Variants in ACKR3 observed in about 807,000 individuals in gnomAD.
ACKR3 encodes the protein C-X-C chemokine receptor type 7.
A neutral mutation model predicts 22.4 loss-of-function variants in ACKR3; 6 were observed. The observed-to-expected ratio is 0.27, with a 90% CI of 0.15 to 0.53. The LOEUF is 0.53. Among genes scored for constraint, ACKR3 ranks in the 20% least tolerant of loss-of-function variants. The probability of loss-of-function intolerance (pLI) is 0.96; values close to 1 mark genes in which losing one functional copy is unlikely to be tolerated. For synonymous variants in ACKR3, 209 were observed against 205.2 expected, an observed-to-expected ratio of 1.02 and a Z score of -0.16; for missense variants, 396 against 475.2, an observed-to-expected ratio of 0.83 and a Z score of 1.55.
At chr2:236,543,940 GGTAT>G in the ACKR3 span, among the ~76,000 whole-genome samples, 6 of 80,956 alleles carry the variant, frequency 7.4e-5, no homozygotes, top group Admixed American at 5.2e-4. Context: ...CTGGGAGAAG[GGTAT>G]ATATATATAT....
upstream of ACKR3, among the ~76,000 whole-genome samples, chr2:236,565,209 CTAGAA>C (rs753454180): frequency 1.9e-4 from 29 of 151,926 alleles, no homozygotes; most frequent in Non-Finnish European, 4.1e-4. Context: ...AAGCACCCAG[CTAGAA>C]TAGAAGGCTC....
chr2:236,580,204 C>T (rs938020476), intron 1 of ACKR3, among the ~76,000 whole-genome samples: 2 of 152,232 alleles, frequency 1.3e-5, no homozygotes, highest in African/African-American at 4.8e-5. Flanking sequence ...AGAAAGCAAA[C>T]ACAGTTTCTG....
chr2:236,554,333 G>T, the ACKR3 span, among the ~76,000 whole-genome samples: 2 of 152,200 alleles, frequency 1.3e-5, no homozygotes, highest in African/African-American at 4.8e-5. Flanking sequence ...AAGAAAGGCA[G>T]ATGTATCAGA....
rs938774455 is a variant in ACKR3, at chr2:236,577,497, G to A, written c.-26-2943G>A. On this transcript the variant is annotated intron_variant, in intron 1 of 1. Transcript: ENST00000272928. This position sits in a 1 kb window ranked among gnomAD's most constrained non-coding sequence, Gnocchi z 5.6. ...GAAGGCTGCTGGTAGCTCAAAGCGG[G>A]TGAGTGTCTATTTTGTGCTAAGAGT... Among the ~76,000 whole-genome samples the A allele has an allele frequency of 1.3e-5, 2 of 152,132 alleles. No homozygotes were observed. The highest frequency in any genetic ancestry group is 2.4e-5 in the African/African-American group (1 of 41,430).
chr2:236,550,474 C>A, the ACKR3 span, among the ~76,000 whole-genome samples: 1 of 152,204 alleles, frequency 6.6e-6, no homozygotes, highest in Non-Finnish European at 1.5e-5. The surrounding 1 kb of genome is among the most constrained non-coding windows in gnomAD (Gnocchi z 4.6). Context: ...TTGATGGCAG[C>A]ACCTTCTGAG....
upstream of ACKR3, among the ~76,000 whole-genome samples, chr2:236,568,514 C>T (rs1043112959): frequency 6.6e-6 from 1 of 152,200 alleles, no homozygotes; most frequent in African/African-American, 2.4e-5. Context: ...GTGATTGCGC[C>T]GCCCTGCAGA....
At chr2:236,542,283 C>CTAAAAATTAA in the ACKR3 span, among the ~76,000 whole-genome samples, 3 of 152,190 alleles carry the variant, frequency 2.0e-5, no homozygotes, top group South Asian at 4.1e-4. Flanking sequence ...TAGACATTGG[C>CTAAAAATTAA]AAGAGCTAAA....
the ACKR3 span, among the ~76,000 whole-genome samples, chr2:236,544,082 C>T: frequency 1.1e-4 from 17 of 149,158 alleles, no homozygotes; most frequent in East Asian, 6.0e-4. The surrounding 1 kb of genome is among the most constrained non-coding windows in gnomAD (Gnocchi z 5.0). Flanking sequence ...CTCTGCCTCC[C>T]GGATTCAAGT....
chr2:236,567,321 G>C (rs1251926599), upstream of ACKR3, among the ~76,000 whole-genome samples: 1 of 152,086 alleles, frequency 6.6e-6, no homozygotes, highest in Non-Finnish European at 1.5e-5. Flanking sequence ...CTGTATGAGG[G>C]CTCCCATGCC....
At position 236,580,768 on chromosome 2, in the gene ACKR3, G is replaced by C. The variant is rs1283430267; in HGVS notation, c.303G>C (p.Val101=). ...TTGTCCTCACCATCCCAGTCTGGGT[G>C]GTCAGTCTCGTGCAGCACAACCAGT... ...LWVVLTIPVW[V]VSLVQHNQWP... The change falls in exon 2 of 2, where the codon GTG becomes GTC. Residue 101 remains valine, a synonymous_variant. Transcript: ENST00000272928. 1.9e-6 allele frequency: 3 copies of C among 1,614,194 alleles called. No homozygotes were observed. The highest frequency in any genetic ancestry group is 2.5e-6 in the Non-Finnish European group (3 of 1,180,034).
rs1691505029 is a variant in ACKR3, at chr2:236,580,724, G to T, written c.259G>T (p.Ala87Ser). 1 of 1,614,134 alleles carries T rather than the reference G, an allele frequency of 6.2e-7. No individual in the cohort carries two copies. Among genetic ancestry groups the T allele is most frequent in the Non-Finnish European group, 8.5e-7 (1 of 1,180,030 alleles). ...CACGCACTGCTACATCTTGAACCTG[G>T]CCATTGCCGACCTGTGGGTTGTCCT... ...YDTHCYILNLAIADLWVVLTI... is the reference protein window; with the variant it reads ...YDTHCYILNLSIADLWVVLTI... Residue 87 changes from alanine to serine, a missense_variant, in exon 2 of 2, where the codon GCC (alanine) becomes TCC (serine). Physicochemically the swap from Ala to Ser is moderately conservative, Grantham distance 99 (BLOSUM62 1). Coordinates refer to ENST00000272928, the MANE Select transcript of ACKR3 (RefSeq NM_020311.3).
At chr2:236,569,681 A>AC (rs1553634739), upstream of ACKR3, 2 of 135,164 alleles carry the variant, frequency 1.5e-5, no homozygotes, top group Non-Finnish European at 3.3e-5. Context: ...GGTTTACAAG[A>AC]GGGGGGTGTG....
chr2:236,568,381 T>C (rs1377879612), upstream of ACKR3, among the ~76,000 whole-genome samples: 1 of 152,198 alleles, frequency 6.6e-6, no homozygotes, highest in East Asian at 1.9e-4. Flanking sequence ...AGGACACGTA[T>C]GCTGTGGAGA....
chr2:236,539,163 T>A, the ACKR3 span, among the ~76,000 whole-genome samples: 1 of 152,174 alleles, frequency 6.6e-6, no homozygotes, highest in Non-Finnish European at 1.5e-5. Flanking sequence ...TATTATCACG[T>A]CTGGATGGGC....
At chr2:236,566,305 T>C (rs909604680), upstream of ACKR3, among the ~76,000 whole-genome samples, 1 of 152,174 alleles carries the variant, frequency 6.6e-6, no homozygotes, top group African/African-American at 2.4e-5. Flanking sequence ...CACTCAGGGG[T>C]AGCAAAACAT....
the ACKR3 span, among the ~76,000 whole-genome samples, chr2:236,551,423 C>T: frequency 6.6e-6 from 1 of 152,196 alleles, no homozygotes; most frequent in African/African-American, 2.4e-5. Flanking sequence ...GGGACTCAGA[C>T]AGCATTTCCC....
chr2:236,545,617 A>C, the ACKR3 span, among the ~76,000 whole-genome samples: 1 of 152,180 alleles, frequency 6.6e-6, no homozygotes, highest in Non-Finnish European at 1.5e-5. This position sits in a 1 kb window ranked among gnomAD's most constrained non-coding sequence, Gnocchi z 5.3. Flanking sequence ...CGTCAATAAA[A>C]GTGTGGCAGA....
In ACKR3 at chr2:236,581,417, A is replaced by G. The variant is rs776054510; in HGVS notation, c.952A>G (p.Ile318Val). ...CCVNPVLYSF[I>V]NRNYRYELMK... ...CGTCAACCCTGTCCTCTACAGCTTC[A>G]TCAATCGCAACTACAGGTACGAGCT... The change falls in exon 2 of 2, where the codon ATC (isoleucine) becomes GTC (valine). Residue 318 changes from isoleucine (I) to valine (V), a missense_variant. By Grantham distance (29) the Ile-to-Val change is conservative. Coordinates refer to ENST00000272928, the MANE Select transcript of ACKR3 (RefSeq NM_020311.3). The surrounding 1 kb of genome is among the most constrained non-coding windows in gnomAD (Gnocchi z 4.4). The G allele has an allele frequency of 5.6e-6, 9 of 1,613,994 alleles. No individual in the cohort carries two copies. The African/African-American group carries it at 1.1e-4, about 19-fold the overall frequency.
At chr2:236,547,093 C>A in the ACKR3 span, among the ~76,000 whole-genome samples, 5 of 152,182 alleles carry the variant, frequency 3.3e-5, no homozygotes, top group Non-Finnish European at 5.9e-5. Context: ...CATCCATCAC[C>A]CCTGTCCATA....
Sources: allele counts gnomAD v4.1 joint callset (sites outside exome capture counted in the v4.1 genomes callset), GRCh38; gene constraint gnomAD v4.1.1; non-coding constraint Gnocchi (gnomAD v3.1); transcripts MANE v1.5; gene names NCBI Gene and HGNC (gene_info 2026-07-23, HGNC 2026-07-21).